The following GPHN variants were observed in gnomAD, a reference collection of about 807,000 sequenced individuals.
GPHN encodes the protein gephyrin.
In GPHN, 17 loss-of-function variants were observed where a neutral mutation model predicts 95.5. The ratio of observed to expected loss-of-function variants is 0.18; its 90% confidence interval spans 0.12 to 0.27. GPHN has a LOEUF of 0.27. Ranked by LOEUF, GPHN falls within the 10% of genes least tolerant of loss-of-function variation. GPHN has a pLI of 1.00. For synonymous variants in GPHN, 320 were observed against 322.5 expected (o/e 0.99, Z 0.08); for missense variants, 660 against 978.1 (o/e 0.67, Z 4.34).
At chr14:67,270,231 C>G in the GPHN span, 2 of 152,098 alleles carry the variant, frequency 1.3e-5, no homozygotes, top group African/African-American at 4.8e-5. Context: ...TCCCATTGCC[C>G]CCTTCTCCCG....
At chr14:67,099,835 A>C (rs1423887918) in intron 12 of GPHN, among the ~76,000 whole-genome samples, 1 of 152,138 alleles carries the variant, frequency 6.6e-6, no homozygotes, top group Non-Finnish European at 1.5e-5. Context: ...AATGTAATCT[A>C]AATATTCATA....
At chr14:67,395,142 TG>T in the GPHN span, among the ~76,000 whole-genome samples, 1 of 152,070 alleles carries the variant, frequency 6.6e-6, no homozygotes, top group Non-Finnish European at 1.5e-5. Flanking sequence ...TGAAATGGAA[TG>T]GGGGTCTTGT....
At chr14:67,175,028 G>A (rs1238359520) in intron 21 of GPHN, among the ~76,000 whole-genome samples, 1 of 152,126 alleles carries the variant, frequency 6.6e-6, no homozygotes, top group South Asian at 2.1e-4. Flanking sequence ...TCTGTAGGTT[G>A]CTTGTTCACT....
At chr14:66,509,937 C>T (rs1324055629) in intron 1 of GPHN, among the ~76,000 whole-genome samples, 1 of 152,094 alleles carries the variant, frequency 6.6e-6, no homozygotes. Flanking sequence ...TCCAAAGCCT[C>T]CTTTTTTCTC....
At chr14:67,417,165 T>C in the GPHN span, among the ~76,000 whole-genome samples, 1 of 152,194 alleles carries the variant, frequency 6.6e-6, no homozygotes, top group Non-Finnish European at 1.5e-5. Context: ...ATCTATAGCA[T>C]GGGTTCAAAC....
chr14:67,096,733 T>A (rs2077414766), intron 12 of GPHN, among the ~76,000 whole-genome samples: 1 of 101,210 alleles, frequency 9.9e-6, no homozygotes, highest in Non-Finnish European at 1.8e-5. Flanking sequence ...TCTCAAGCCA[T>A]CTTTGTGCCT....
chr14:66,632,715 A>G (rs2063884042), intron 1 of GPHN, among the ~76,000 whole-genome samples: 1 of 151,886 alleles, frequency 6.6e-6, no homozygotes, highest in Admixed American at 6.6e-5. Flanking sequence ...CTGGTCTCCA[A>G]CTTCTGACCT....
At chr14:67,126,219 G>A (rs2079305655) in intron 17 of GPHN, among the ~76,000 whole-genome samples, 1 of 152,086 alleles carries the variant, frequency 6.6e-6, no homozygotes, top group African/African-American at 2.4e-5. Flanking sequence ...TCTTTAAAGA[G>A]ACACATTTTG....
intron 9 of GPHN, among the ~76,000 whole-genome samples, chr14:67,022,564 T>TGTG (rs2073696214): frequency 9.5e-6 from 1 of 104,888 alleles, no homozygotes. Flanking sequence ...TTTTTTTTTT[T>TGTG]TTTGGTGTGT....
chr14:67,359,976 C>G, the GPHN span: 1 of 537,772 alleles, frequency 1.9e-6, no homozygotes, highest in Non-Finnish European at 3.3e-6. Context: ...CAACCCCTCC[C>G]CATCCAGCTT....
intron 3 of GPHN, among the ~76,000 whole-genome samples, chr14:66,808,876 T>A (rs1349983830): frequency 1.3e-5 from 2 of 152,180 alleles, no homozygotes; most frequent in African/African-American, 4.8e-5. Flanking sequence ...AACCAGAGTG[T>A]CAAGGAATTC....
chr14:67,130,927 T>G (rs867927261), intron 17 of GPHN, among the ~76,000 whole-genome samples: 3 of 152,132 alleles, frequency 2.0e-5, no homozygotes, highest in African/African-American at 7.2e-5. Context: ...TTTTGAGAAG[T>G]GTCTGTTCAG....
intron 10 of GPHN, among the ~76,000 whole-genome samples, chr14:67,052,376 CATA>C (rs1437398849): frequency 6.6e-6 from 1 of 150,898 alleles, no homozygotes; most frequent in Non-Finnish European, 1.5e-5. Flanking sequence ...AAGGGCATTA[CATA>C]ACGGTAAAGG....
intron 18 of GPHN, among the ~76,000 whole-genome samples, chr14:67,144,247 A>AT (rs1567400110): frequency 1.0e-3 from 70 of 68,450 alleles, no homozygotes; most frequent in Non-Finnish European, 1.3e-3. Context: ...AAAAAAAAAA[A>AT]AAAATATATA....
chr14:66,618,724 G>A (rs1161256827), intron 1 of GPHN, among the ~76,000 whole-genome samples: 2 of 152,128 alleles, frequency 1.3e-5, no homozygotes, highest in African/African-American at 4.8e-5. Context: ...TAGAATCCTG[G>A]GTTGGAGTGT....
At chr14:67,652,737 G>A in the GPHN span, 2 of 152,160 alleles carry the variant, frequency 1.3e-5, no homozygotes, top group African/African-American at 4.8e-5. Context: ...AGGGCAAGCA[G>A]AGCCAAAAGC....
chr14:66,845,679 A>G (rs2062293328), intron 4 of GPHN, among the ~76,000 whole-genome samples: 1 of 152,156 alleles, frequency 6.6e-6, no homozygotes, highest in African/African-American at 2.4e-5. Context: ...ATTCATTTCA[A>G]TCCAGAGATC....
At chr14:67,576,621 A>G in the GPHN span, 2 of 570,670 alleles carry the variant, frequency 3.5e-6, no homozygotes, top group Non-Finnish European at 6.3e-6. The surrounding 1 kb of genome is among the most constrained non-coding windows in gnomAD (Gnocchi z 4.0). Context: ...CATCTAAGCC[A>G]CAGAGGGGAA....
chr14:67,140,347 G>A (rs1346955329), intron 17 of GPHN, among the ~76,000 whole-genome samples: 1 of 149,104 alleles, frequency 6.7e-6, no homozygotes, highest in Non-Finnish European at 1.5e-5. Context: ...TTGTGCCATT[G>A]TACTCCAGTC....
Sources: gnomAD v4.1 joint callset for allele counts (sites outside exome capture counted in the v4.1 genomes callset) on GRCh38, gnomAD v4.1.1 for gene constraint, Gnocchi (gnomAD v3.1) non-coding constraint, MANE v1.5 for transcripts, NCBI Gene and HGNC (gene_info 2026-07-23, HGNC 2026-07-21) for gene names.